FGGY: variants seen among roughly 807,000 people sequenced by gnomAD.
FGGY encodes the protein FGGY carbohydrate kinase domain containing, also known as FGGY carbohydrate kinase domain-containing protein.
FGGY carries 72 observed loss-of-function variants against 71.3 expected under a neutral mutation model. The observed-to-expected ratio is 1.01, with a 90% confidence interval of 0.84 to 1.23. FGGY has a LOEUF of 1.23. FGGY is among the 50% of genes most tolerant of loss of function. The pLI is 0.00. For missense variants in FGGY, 668 were observed against 682.3 expected (o/e 0.98, Z 0.23); for synonymous variants, 251 against 250.3 (o/e 1.00, Z -0.02).
At chr1:59,457,135 G>T in intron 6 of FGGY, 59 bp downstream of exon 6, 6 of 1,223,458 alleles carry the variant, frequency 4.9e-6, no homozygotes. Flanking sequence ...TGATGGGTTT[G>T]TTGTTATTGT....
intron 14 of FGGY, among the ~76,000 whole-genome samples, chr1:59,722,487 G>A (rs1302776394): frequency 6.6e-6 from 1 of 152,112 alleles, no homozygotes; most frequent in Admixed American, 6.5e-5. Flanking sequence ...ATGCTGTTTG[G>A]GAGATTTGTC....
At chr1:59,482,118 G>T (rs374068690) in intron 6 of FGGY, among the ~76,000 whole-genome samples, 37 of 151,988 alleles carry the variant, frequency 2.4e-4, no homozygotes, top group African/African-American at 8.5e-4. Context: ...TATTCTCTTG[G>T]GTATACTAAG....
At chr1:59,390,601 G>T (rs1246279913) in intron 5 of FGGY, among the ~76,000 whole-genome samples, 5 of 152,146 alleles carry the variant, frequency 3.3e-5, no homozygotes, top group Non-Finnish European at 7.4e-5. Context: ...CAGCAGCTAG[G>T]TTTATAATCA....
chr1:59,749,538 G>GT (rs1289972625), intron 14 of FGGY, among the ~76,000 whole-genome samples: 1 of 152,120 alleles, frequency 6.6e-6, no homozygotes, highest in Non-Finnish European at 1.5e-5. Flanking sequence ...AGTGTTGTAG[G>GT]TAAAAACAGC....
At chr1:59,511,471 C>G (rs1190491134) in intron 6 of FGGY, among the ~76,000 whole-genome samples, 2 of 151,460 alleles carry the variant, frequency 1.3e-5, no homozygotes, top group Non-Finnish European at 2.9e-5. Flanking sequence ...GGCTCGGGCT[C>G]TGTTTAACAC....
At chr1:59,405,027 C>T (rs911919380) in intron 5 of FGGY, among the ~76,000 whole-genome samples, 10 of 152,298 alleles carry the variant, frequency 6.6e-5, no homozygotes, top group African/African-American at 1.9e-4. Flanking sequence ...TGGAATTTCC[C>T]ATTTTAATTC....
chr1:59,471,492 T>C (rs903840630), intron 6 of FGGY, among the ~76,000 whole-genome samples: 1 of 152,222 alleles, frequency 6.6e-6, no homozygotes, highest in Non-Finnish European at 1.5e-5. Context: ...CTTATCCTCT[T>C]ATTATCCTTC....
chr1:59,541,310 G>A (rs764601386), intron 7 of FGGY, among the ~76,000 whole-genome samples: 9 of 152,216 alleles, frequency 5.9e-5, no homozygotes, highest in Non-Finnish European at 1.2e-4. Context: ...CAGCCTGCCA[G>A]AATTTCGGCT....
chr1:59,378,513 G>A (rs1266968809), intron 4 of FGGY, among the ~76,000 whole-genome samples: 1 of 152,032 alleles, frequency 6.6e-6, no homozygotes, highest in Non-Finnish European at 1.5e-5. Context: ...TTCCAGGTTG[G>A]CAAAGAGGGT....
chr1:59,513,080 C>G (rs573744901), intron 7 of FGGY, among the ~76,000 whole-genome samples: 2 of 152,304 alleles, frequency 1.3e-5, no homozygotes, highest in South Asian at 4.1e-4. Flanking sequence ...CTTCCTCATC[C>G]TTATTGCAGG....
intron 7 of FGGY, among the ~76,000 whole-genome samples, chr1:59,535,182 C>G (rs1363485025): frequency 6.6e-6 from 1 of 151,968 alleles, no homozygotes; most frequent in Non-Finnish European, 1.5e-5. Context: ...GGTTGCAATC[C>G]TAGTCTCTGA....
intron 6 of FGGY, among the ~76,000 whole-genome samples, chr1:59,505,627 A>G (rs567057217): frequency 6.6e-6 from 1 of 152,262 alleles, no homozygotes; most frequent in South Asian, 2.1e-4. Flanking sequence ...CCTGGGTTTC[A>G]TCTCATTATA....
chr1:59,583,457 A>C (rs890438526), intron 8 of FGGY, among the ~76,000 whole-genome samples: 2 of 143,650 alleles, frequency 1.4e-5, no homozygotes, highest in African/African-American at 5.4e-5. Context: ...CAGAGGCTTC[A>C]TTTCTTCATC....
chr1:59,421,326 T>G lies in FGGY; in HGVS notation c.555-35635T>G, dbSNP rs561504688. Among the ~76,000 whole-genome samples the G allele has an allele frequency of 2.0e-5, 3 of 152,222 alleles. No homozygotes were observed. In the South Asian group the frequency reaches 6.2e-4, roughly 32 times the overall value. The stretch of plus-strand genomic sequence containing the variant: ...ATATTAAGGAATTATTCTTTTTAAT[T>G]ATGATATTGATAATTAGCTATTTTT... On this transcript the variant is annotated intron_variant, in intron 5 of 15. Coordinates refer to ENST00000303721, the MANE Select transcript of FGGY (RefSeq NM_018291.5).
rs566604611 is a variant in FGGY at position 59,559,695 on chromosome 1, G to C, written c.903+5468G>C. 1.3e-3 allele frequency among the ~76,000 whole-genome samples: 196 copies of C among 152,274 alleles called. 2 individuals carry two copies. The highest frequency in any genetic ancestry group is 4.4e-3 in the African/African-American group (183 of 41,564). On this transcript the variant is annotated intron_variant, in intron 8 of 15. Transcript: ENST00000303721. ...ACAAGATGAGCTTGGAGCATTTGCA[G>C]TGCCAGAAAGTTAGGAAGTTCTCAA...
At chr1:59,619,735 A>G (rs2096790258) in intron 9 of FGGY, among the ~76,000 whole-genome samples, 1 of 152,060 alleles carries the variant, frequency 6.6e-6, no homozygotes, top group Admixed American at 6.6e-5. Context: ...TTGGAGAATA[A>G]TGAGCGGAGG....
intron 5 of FGGY, among the ~76,000 whole-genome samples, chr1:59,444,964 A>G (rs1234746339): frequency 6.6e-6 from 1 of 152,144 alleles, no homozygotes; most frequent in Non-Finnish European, 1.5e-5. Flanking sequence ...CTTTGATACC[A>G]TAAGCTCTAT....
intron 6 of FGGY, among the ~76,000 whole-genome samples, chr1:59,465,921 C>A (rs151242271): frequency 1.3e-3 from 198 of 152,236 alleles, no homozygotes; most frequent in African/African-American, 4.5e-3. Flanking sequence ...ATGAAAATTG[C>A]CATACTGCCC....
rs76053762 is a variant in FGGY, at chr1:59,519,340, G to A, written c.799+6901G>A. On this transcript the variant is annotated intron_variant, in intron 7 of 15. Transcript: ENST00000303721. ...TCATGGGGTTAGACAGTGACTATGA[G>A]AGAGAAGTGGACTTCTGGGAATTTG... is the stretch of plus-strand genomic sequence containing the variant. Among the ~76,000 whole-genome samples, 62 of 152,318 alleles carry A rather than the reference G, an allele frequency of 4.1e-4. 1 individual carries two copies. The East Asian group carries it at 0.012, about 28-fold the overall frequency.
Sources: allele counts gnomAD v4.1 joint callset (sites outside exome capture counted in the v4.1 genomes callset), GRCh38; gene constraint gnomAD v4.1.1; transcripts MANE v1.5; gene names NCBI Gene and HGNC (gene_info 2026-07-23, HGNC 2026-07-21).